The following CCDC77 variants were observed in gnomAD, a reference collection of about 807,000 sequenced individuals.
CCDC77 encodes the protein coiled-coil domain-containing protein 77.
Under a neutral mutation model 66.8 loss-of-function variants are expected in CCDC77, and 56 were observed. The ratio of observed to expected loss-of-function variants is 0.84; its 90% CI spans 0.68 to 1.05. The LOEUF (loss-of-function observed/expected upper bound fraction) is 1.05, where lower values mean the gene tolerates loss of function less well. CCDC77 is among the 50% of genes least tolerant of loss of function. CCDC77 has a pLI of 0.00. For synonymous variants in CCDC77, 196 were observed against 195.2 expected (o/e 1.00, Z -0.03); for missense variants, 570 against 576.8 (o/e 0.99, Z 0.12).
chr12:424,717 C>T lies in CCDC77; in HGVS notation c.414-4052C>T, dbSNP rs548349874. Among the ~76,000 whole-genome samples the T allele has an allele frequency of 2.7e-4, 41 of 152,006 alleles. No individual in the cohort carries two copies. The South Asian group carries it at 8.5e-3, about 32-fold the overall frequency. ...GGTATCACATTCAAGAAATCATTGC[C>T]AGATTCATTGTCAGGAAACTTTTCT... On this transcript the variant is annotated intron_variant, in intron 5 of 12. Transcript: ENST00000239830.
At chr12:414,115 G>A (rs1261910650) in intron 4 of CCDC77, among the ~76,000 whole-genome samples, 1 of 146,118 alleles carries the variant, frequency 6.8e-6, no homozygotes, top group Non-Finnish European at 1.5e-5. Context: ...TTTTTGAGAC[G>A]GAGTCTCACC....
chr12:405,313 G>GT (rs936488167), intron 1 of CCDC77, among the ~76,000 whole-genome samples, 198 bp from the exon 2 acceptor site: 3 of 152,152 alleles, frequency 2.0e-5, no homozygotes, highest in African/African-American at 7.2e-5. Context: ...AGGACACAGG[G>GT]TTTTTTTCTT....
At chr12:434,788 T>C (rs888018550) in intron 9 of CCDC77, among the ~76,000 whole-genome samples, 2 of 152,244 alleles carry the variant, frequency 1.3e-5, no homozygotes, top group African/African-American at 4.8e-5. Flanking sequence ...CACCTGTCTT[T>C]CTTGGTTCTT....
Position 418,860 on chromosome 12 carries a change from A to C in CCDC77, c.413+224A>C. ...AACACAGGTGTGCACTACAAGGCCT[A>C]GCTCATTTTTGTATTTTTAGTGGAG... On this transcript the variant is annotated intron_variant, in intron 5 of 12. Transcript: ENST00000239830. 3 of 466,242 alleles carry C rather than the reference A, an allele frequency of 6.4e-6. No homozygotes were observed. The South Asian group carries it at 8.5e-5, about 13-fold the overall frequency. The allele number at this position is 466,242 out of a possible 1,614,324, so 28.9% of individuals were successfully genotyped here. A position where few individuals can be genotyped will look rare whatever the true frequency, so the allele number is the denominator to read the frequency against.
chr12:414,500 C>T (rs1276792651), intron 4 of CCDC77, among the ~76,000 whole-genome samples: 1 of 152,122 alleles, frequency 6.6e-6, no homozygotes, highest in African/African-American at 2.4e-5. Flanking sequence ...AGAGTTCTTC[C>T]AGATTCTACT....
intron 10 of CCDC77, among the ~76,000 whole-genome samples, chr12:440,308 G>A (rs995510873): frequency 1.3e-5 from 2 of 152,170 alleles, no homozygotes; most frequent in Non-Finnish European, 2.9e-5. Flanking sequence ...AAGAACTTTA[G>A]AAATGTAGCC....
chr12:415,967 G>A (rs1190346845), intron 4 of CCDC77, among the ~76,000 whole-genome samples: 20 of 151,724 alleles, frequency 1.3e-4, no homozygotes, highest in African/African-American at 3.4e-4. Context: ...CACCATGCCC[G>A]GCTAATTTTT....
At chr12:441,643 G>A in intron 12 of CCDC77, 131 bp from the exon 13 acceptor site, 1 of 929,524 alleles carries the variant, frequency 1.1e-6, no homozygotes, top group Non-Finnish European at 1.6e-6. Flanking sequence ...ACTGAACAAA[G>A]GATGGAATTT....
At chr12:431,395 T>C (rs1042560663) in intron 7 of CCDC77, among the ~76,000 whole-genome samples, 1 of 152,042 alleles carries the variant, frequency 6.6e-6, no homozygotes, top group Non-Finnish European at 1.5e-5. Context: ...ATTTATTGTA[T>C]TGTATTTTAC....
intron 5 of CCDC77, among the ~76,000 whole-genome samples, chr12:427,758 A>G (rs1394020480): frequency 6.6e-6 from 1 of 151,924 alleles, no homozygotes; most frequent in Admixed American, 6.6e-5. Flanking sequence ...CAGGCATGAA[A>G]CACCACACCC....
intron 1 of CCDC77, 60 bp downstream of exon 1, chr12:401,744 A>G (rs909047158): frequency 1.3e-5 from 2 of 152,486 alleles, no homozygotes; most frequent in African/African-American, 2.4e-5. Context: ...TGGGAAGAAA[A>G]TCTGGTTAGG....
intron 2 of CCDC77, among the ~76,000 whole-genome samples, chr12:406,091 G>A (rs1056435290): frequency 3.9e-5 from 6 of 151,948 alleles, no homozygotes; most frequent in African/African-American, 1.5e-4. Context: ...CTAATTTTTT[G>A]TAGAGACAGG....
chr12:409,671 T>G (rs1419416363), intron 3 of CCDC77: 4 of 460,526 alleles, frequency 8.7e-6, no homozygotes, highest in Non-Finnish European at 1.6e-5. Context: ...CATAAGCCAC[T>G]GTGCCCAGCC....
chr12:396,885 T>G (rs974935707), upstream of CCDC77, among the ~76,000 whole-genome samples: 2 of 152,170 alleles, frequency 1.3e-5, no homozygotes, highest in Non-Finnish European at 2.9e-5. Flanking sequence ...CATCAAAGTT[T>G]ATAAGCAGGA....
intron 1 of CCDC77, among the ~76,000 whole-genome samples, chr12:396,282 C>G (rs1944827640): frequency 6.6e-6 from 1 of 152,062 alleles, no homozygotes; most frequent in Non-Finnish European, 1.5e-5. Flanking sequence ...ATCCCAGCTA[C>G]TTGGGAGGCT....
At chr12:400,240 G>A (rs934898485), upstream of CCDC77, among the ~76,000 whole-genome samples, 6 of 152,304 alleles carry the variant, frequency 3.9e-5, no homozygotes, top group African/African-American at 9.6e-5. Flanking sequence ...TTGGCTTCAG[G>A]GAATGCTGTG....
At chr12:390,090 T>C (rs950711065) in intron 1 of CCDC77, 2 of 127,808 alleles carry the variant, frequency 1.6e-5, no homozygotes, top group African/African-American at 6.0e-5. Flanking sequence ...CTGGTTTCCA[T>C]TAATGACTTC....
At chr12:394,181 A>G (rs1485366620) in intron 1 of CCDC77, among the ~76,000 whole-genome samples, 4 of 152,196 alleles carry the variant, frequency 2.6e-5, no homozygotes, top group South Asian at 2.1e-4. Context: ...GAACAACCAT[A>G]GTTTGTCTGT....
chr12:437,845 T>TA (rs3043231), intron 9 of CCDC77, among the ~76,000 whole-genome samples: 80,317 of 124,540 alleles, frequency 0.64, 26,470 homozygotes, highest in Non-Finnish European at 0.71. Flanking sequence ...GACCCTGTCT[T>TA]AAAAAAAAAA....
Sources: allele counts gnomAD v4.1 joint callset (sites outside exome capture counted in the v4.1 genomes callset), GRCh38; gene constraint gnomAD v4.1.1; transcripts MANE v1.5; gene names NCBI Gene and HGNC (gene_info 2026-07-23, HGNC 2026-07-21).